The following GALNT17 variants were observed in gnomAD, a reference collection of about 807,000 sequenced individuals.
GALNT17 encodes polypeptide N-acetylgalactosaminyltransferase 17, also known as UDP-GalNAc:polypeptide N-acetylgalactosaminyltransferase-like 3.
In GALNT17, 29 loss-of-function variants were observed where a neutral mutation model predicts 63.7. That is an observed-to-expected ratio of 0.46 (90% CI 0.34 to 0.62). The LOEUF (loss-of-function observed/expected upper bound fraction) is 0.62. Ranked by LOEUF, GALNT17 falls within the 20% of genes least tolerant of loss-of-function variation. The pLI is 0.01. For synonymous variants in GALNT17, 305 were observed against 318.3 expected (o/e 0.96, Z 0.45); for missense variants, 603 against 799.6 (o/e 0.75, Z 2.97).
chr7:71,562,290 T>C (rs1178440847), intron 5 of GALNT17, among the ~76,000 whole-genome samples: 1 of 152,180 alleles, frequency 6.6e-6, no homozygotes, highest in Non-Finnish European at 1.5e-5. Context: ...TAGCTCCTTC[T>C]TTTCTCTCCA....
At chr7:71,324,932 A>C (rs769791830) in intron 1 of GALNT17, among the ~76,000 whole-genome samples, 8 of 152,284 alleles carry the variant, frequency 5.3e-5, no homozygotes, top group South Asian at 4.1e-4. Flanking sequence ...AAATGGGGCT[A>C]TCTTTTCTTT....
intron 1 of GALNT17, chr7:71,307,676 G>A (rs1791331228): frequency 6.6e-6 from 1 of 152,640 alleles, no homozygotes; most frequent in Non-Finnish European, 1.5e-5. Flanking sequence ...TAGCAGTAGA[G>A]TTCCTACTCA....
chr7:71,452,333 G>T (rs1347539033), intron 5 of GALNT17, among the ~76,000 whole-genome samples: 1 of 152,158 alleles, frequency 6.6e-6, no homozygotes, highest in East Asian at 1.9e-4. Context: ...ATCACTTGAG[G>T]TCAGGAGTCC....
intron 6 of GALNT17, among the ~76,000 whole-genome samples, chr7:71,611,555 GC>G (rs1238566812): frequency 6.6e-6 from 1 of 152,022 alleles, no homozygotes; most frequent in Admixed American, 6.6e-5. Flanking sequence ...TCCTCACTGT[GC>G]CCCTGCAGAA....
intron 5 of GALNT17, among the ~76,000 whole-genome samples, chr7:71,425,039 T>G (rs1186043109): frequency 2.6e-5 from 4 of 152,188 alleles, no homozygotes; most frequent in Admixed American, 2.6e-4. Context: ...TCAGGTTTTC[T>G]CTTTGTCCTC....
At chr7:71,370,281 C>T (rs1316347518) in intron 2 of GALNT17, among the ~76,000 whole-genome samples, 1 of 152,170 alleles carries the variant, frequency 6.6e-6, no homozygotes, top group Non-Finnish European at 1.5e-5. Context: ...AGAGGAAAGT[C>T]TCCAAGTGGA....
At chr7:71,538,813 G>A (rs1788841212) in intron 5 of GALNT17, among the ~76,000 whole-genome samples, 3 of 151,796 alleles carry the variant, frequency 2.0e-5, no homozygotes, top group Admixed American at 2.0e-4. Flanking sequence ...GGAGGAAGGA[G>A]GGAAGGACGG....
intron 5 of GALNT17, among the ~76,000 whole-genome samples, chr7:71,423,107 G>A (rs1047875764): frequency 1.3e-5 from 2 of 152,124 alleles, no homozygotes; most frequent in African/African-American, 2.4e-5. Flanking sequence ...CTGTGGTCCC[G>A]GGTTTTTATG....
chr7:71,537,363 T>C (rs139827214), intron 5 of GALNT17, among the ~76,000 whole-genome samples: 2 of 152,290 alleles, frequency 1.3e-5, no homozygotes, highest in African/African-American at 4.8e-5. Context: ...AGCCTGTGAC[T>C]GTGAACTTGT....
intron 6 of GALNT17, among the ~76,000 whole-genome samples, chr7:71,572,641 G>A (rs958071631): frequency 2.6e-5 from 4 of 151,800 alleles, no homozygotes; most frequent in Admixed American, 2.0e-4. Flanking sequence ...TTACCACTGT[G>A]TGTGGAGGCT....
intron 1 of GALNT17, among the ~76,000 whole-genome samples, chr7:71,210,068 A>G (rs1053043692): frequency 6.6e-5 from 10 of 151,904 alleles, no homozygotes; most frequent in African/African-American, 1.9e-4. Flanking sequence ...GATTATAGGC[A>G]CCTGCCACCA....
intron 1 of GALNT17, among the ~76,000 whole-genome samples, chr7:71,160,658 C>T: frequency 6.6e-6 from 1 of 151,978 alleles, no homozygotes; most frequent in East Asian, 1.9e-4. Flanking sequence ...GGGGTTTTTC[C>T]ATGTTGGTCA....
At chr7:71,597,798 A>G (rs1789909983) in intron 6 of GALNT17, among the ~76,000 whole-genome samples, 1 of 151,998 alleles carries the variant, frequency 6.6e-6, no homozygotes, top group Non-Finnish European at 1.5e-5. Context: ...GTGCTTCGTG[A>G]TTACCTTGCT....
chr7:71,699,645 G>T (rs759483247), intron 9 of GALNT17, among the ~76,000 whole-genome samples: 4 of 152,106 alleles, frequency 2.6e-5, no homozygotes, highest in Non-Finnish European at 4.4e-5. Context: ...TATTAAAGAT[G>T]AATGCGGCCT....
At chr7:71,455,598 G>A (rs1448841640) in intron 5 of GALNT17, among the ~76,000 whole-genome samples, 1 of 151,390 alleles carries the variant, frequency 6.6e-6, no homozygotes, top group African/African-American at 2.4e-5. Context: ...GGAAAGCGCT[G>A]TGCCAGACCC....
chr7:71,527,278 A>G (rs1270670196), intron 5 of GALNT17, among the ~76,000 whole-genome samples: 1 of 152,248 alleles, frequency 6.6e-6, no homozygotes, highest in Non-Finnish European at 1.5e-5. Flanking sequence ...ACCATTATAT[A>G]CTGGCCATTA....
At chr7:71,415,532 A>G (rs1793508297) in intron 3 of GALNT17, among the ~76,000 whole-genome samples, 1 of 152,172 alleles carries the variant, frequency 6.6e-6, no homozygotes, top group Non-Finnish European at 1.5e-5. Context: ...GGAAAAGCCC[A>G]TATAGAATTT....
chr7:71,365,470 C>T (rs995260358), intron 2 of GALNT17, among the ~76,000 whole-genome samples: 1 of 152,294 alleles, frequency 6.6e-6, no homozygotes, highest in South Asian at 2.1e-4. Flanking sequence ...AATCTCTTGA[C>T]CTGTGGTGAT....
At chr7:71,391,767 G>A (rs1205180253) in intron 3 of GALNT17, among the ~76,000 whole-genome samples, 1 of 152,224 alleles carries the variant, frequency 6.6e-6, no homozygotes, top group Non-Finnish European at 1.5e-5. Flanking sequence ...GATTACAGGT[G>A]TGAGTCACCA....
Sources: allele counts gnomAD v4.1 joint callset (sites outside exome capture counted in the v4.1 genomes callset), GRCh38; gene constraint gnomAD v4.1.1; transcripts MANE v1.5; gene names NCBI Gene and HGNC (gene_info 2026-07-23, HGNC 2026-07-21).